CDKAL1: variants seen among roughly 807,000 people sequenced by gnomAD.
CDKAL1 encodes threonylcarbamoyladenosine tRNA methylthiotransferase.
Under a neutral mutation model 68.2 loss-of-function variants are expected in CDKAL1, and 32 were observed. The observed-to-expected ratio is 0.47, with a 90% CI of 0.35 to 0.63. CDKAL1 has a LOEUF of 0.63. Ranked by LOEUF, CDKAL1 falls within the 30% of genes least tolerant of loss-of-function variation. The pLI, the probability that CDKAL1 is intolerant of heterozygous loss-of-function variation, is 0.00. For missense variants in CDKAL1, 606 were observed against 696.7 expected (o/e 0.87, Z 1.47); for synonymous variants, 234 against 244.3 (o/e 0.96, Z 0.39).
intron 4 of CDKAL1, among the ~76,000 whole-genome samples, chr6:20,573,937 C>G (rs1171043538): frequency 1.3e-5 from 2 of 152,174 alleles, no homozygotes; most frequent in African/African-American, 4.8e-5. Context: ...CTAGCAAAAT[C>G]AAACATCTGC....
chr6:20,817,766 C>G (rs1259532199), intron 8 of CDKAL1, among the ~76,000 whole-genome samples: 4 of 152,104 alleles, frequency 2.6e-5, no homozygotes, highest in African/African-American at 9.7e-5. Flanking sequence ...CATACAAACA[C>G]CATTTGTCTA....
chr6:21,101,945 G>T (rs1252063084), intron 12 of CDKAL1, among the ~76,000 whole-genome samples: 1 of 152,000 alleles, frequency 6.6e-6, no homozygotes, highest in Non-Finnish European at 1.5e-5. Context: ...TTAATTTAAG[G>T]TGTTATTTTT....
At chr6:20,600,789 C>CATATATATATATATATATAT (rs58795499) in intron 4 of CDKAL1, among the ~76,000 whole-genome samples, 11,118 of 128,680 alleles carry the variant, frequency 0.086, 670 homozygotes, top group East Asian at 0.18. Flanking sequence ...TATATATATA[C>CATATATATATATATATATAT]ACACACACAC....
At chr6:20,611,562 T>A (rs1766617606) in intron 4 of CDKAL1, among the ~76,000 whole-genome samples, 1 of 152,200 alleles carries the variant, frequency 6.6e-6, no homozygotes, top group Admixed American at 6.5e-5. Context: ...ACACTGGTGT[T>A]TACTATTACT....
At chr6:20,698,644 G>A (rs1771209811) in intron 5 of CDKAL1, among the ~76,000 whole-genome samples, 1 of 152,146 alleles carries the variant, frequency 6.6e-6, no homozygotes, top group South Asian at 2.1e-4. Flanking sequence ...TTGGGGGAAG[G>A]CCACGGTGGT....
intron 4 of CDKAL1, among the ~76,000 whole-genome samples, chr6:20,553,203 A>T (rs1255848631): frequency 4.6e-5 from 7 of 152,164 alleles, no homozygotes; most frequent in Non-Finnish European, 4.4e-5. Flanking sequence ...TCAGGATATA[A>T]TTATTCTGTG....
intron 7 of CDKAL1, among the ~76,000 whole-genome samples, chr6:20,778,263 A>G (rs1377942356): frequency 6.6e-6 from 1 of 152,246 alleles, no homozygotes; most frequent in African/African-American, 2.4e-5. Flanking sequence ...GAGCCATAAA[A>G]GAAAAAACTG....
intron 13 of CDKAL1, among the ~76,000 whole-genome samples, chr6:21,165,081 C>A (rs554747777): frequency 6.6e-6 from 1 of 152,248 alleles, no homozygotes; most frequent in Admixed American, 6.5e-5. Context: ...TCCTTCCTGG[C>A]CAAAGCCTTG....
intron 5 of CDKAL1, among the ~76,000 whole-genome samples, chr6:20,702,261 G>A (rs73377336): frequency 0.018 from 2,793 of 152,276 alleles, 90 homozygotes; most frequent in African/African-American, 0.064. Context: ...CCATGGCAGT[G>A]TCTAAGGGTG....
intron 2 of CDKAL1, among the ~76,000 whole-genome samples, chr6:20,546,100 C>T (rs1763590806): frequency 6.6e-6 from 1 of 152,170 alleles, no homozygotes; most frequent in South Asian, 2.1e-4. Context: ...AGAAATAGTT[C>T]CTGTTGAACC....
chr6:21,190,097 C>A (rs1314990882), intron 13 of CDKAL1, among the ~76,000 whole-genome samples: 1 of 151,906 alleles, frequency 6.6e-6, no homozygotes, highest in Admixed American at 6.6e-5. Context: ...AAGGTCACAG[C>A]CTTGTATTTA....
chr6:21,107,512 C>G (rs982700421), intron 12 of CDKAL1, among the ~76,000 whole-genome samples: 1 of 152,096 alleles, frequency 6.6e-6, no homozygotes, highest in Non-Finnish European at 1.5e-5. Flanking sequence ...ACTGCAACCT[C>G]TGCCTCCCAG....
chr6:20,897,174 A>G (rs745804211), intron 9 of CDKAL1, among the ~76,000 whole-genome samples: 1 of 152,132 alleles, frequency 6.6e-6, no homozygotes, highest in African/African-American at 2.4e-5. Flanking sequence ...TTTTATAAGG[A>G]CACTAGTCCC....
chr6:21,100,392 T>C (rs963975385), intron 12 of CDKAL1, among the ~76,000 whole-genome samples: 6 of 152,204 alleles, frequency 3.9e-5, no homozygotes, highest in African/African-American at 7.2e-5. Flanking sequence ...CCTCCAGCAC[T>C]TGGGTATGTG....
At chr6:20,961,506 G>A (rs935429241) in intron 10 of CDKAL1, among the ~76,000 whole-genome samples, 13 of 152,140 alleles carry the variant, frequency 8.5e-5, no homozygotes, top group South Asian at 2.1e-4. Context: ...AGTGGCTCAC[G>A]CCTGTAATCC....
At chr6:21,016,353 T>A (rs1033301859) in intron 11 of CDKAL1, among the ~76,000 whole-genome samples, 2 of 152,196 alleles carry the variant, frequency 1.3e-5, no homozygotes, top group East Asian at 1.9e-4. Flanking sequence ...TCTTCCTCAC[T>A]GCCCACCCCT....
At chr6:20,867,430 G>A (rs1759968716) in intron 9 of CDKAL1, among the ~76,000 whole-genome samples, 1 of 152,192 alleles carries the variant, frequency 6.6e-6, no homozygotes, top group South Asian at 2.1e-4. Context: ...ACACCAGCAT[G>A]AGTCATTTTG....
chr6:20,619,955 T>C (rs1179337613), intron 4 of CDKAL1, among the ~76,000 whole-genome samples: 1 of 152,226 alleles, frequency 6.6e-6, no homozygotes, highest in African/African-American at 2.4e-5. Flanking sequence ...GAAAGCTAAC[T>C]CACACCTCTC....
rs907178453 is a variant in CDKAL1 at position 20,561,401 on chromosome 6, C to A, written c.286+12696C>A. 2.4e-5 allele frequency among the ~76,000 whole-genome samples: 3 copies of A among 123,046 alleles called. No individual in the cohort carries two copies. The South Asian group carries it at 8.0e-4, about 33-fold the overall frequency. The allele number at this position is 123,046 out of a possible 152,430, so 80.7% of individuals were successfully genotyped here. ...AGATTGCAGTGAGCTGAGATCACAACACTGCACTCCAGCCTGGGCGACAGA... is the reference window on the plus strand; with the variant it reads ...AGATTGCAGTGAGCTGAGATCACAAAACTGCACTCCAGCCTGGGCGACAGA... On this transcript the variant is annotated intron_variant, in intron 4 of 15. Coordinates refer to ENST00000274695, the MANE Select transcript of CDKAL1 (RefSeq NM_017774.3).
Sources: gnomAD v4.1 joint callset for allele counts (sites outside exome capture counted in the v4.1 genomes callset) on GRCh38, gnomAD v4.1.1 for gene constraint, MANE v1.5 for transcripts, NCBI Gene and HGNC (gene_info 2026-07-23, HGNC 2026-07-21) for gene names.